Variants in MYO5B observed in about 807,000 individuals in gnomAD.
The protein encoded by MYO5B is unconventional myosin-Vb.
Under a neutral mutation model 229.3 loss-of-function variants are expected in MYO5B, and 143 were observed. The ratio of observed to expected loss-of-function variants is 0.62; its 90% CI spans 0.54 to 0.72. The LOEUF is 0.72. MYO5B is among the 30% of genes least tolerant of loss of function. The pLI is 0.00. For missense variants in MYO5B, 2,321 were observed against 2,331.0 expected (o/e 1.00, Z 0.09); for synonymous variants, 918 against 885.2 (o/e 1.04, Z -0.66).
At position 50,144,703 on chromosome 18, in the gene MYO5B, A is replaced by G. The variant is rs191993312; in HGVS notation, c.27+50064T>C. 2.9e-3 allele frequency among the ~76,000 whole-genome samples: 435 copies of G among 152,358 alleles called. 2 individuals carry two copies. Among genetic ancestry groups the G allele is most frequent in the Non-Finnish European group, 4.7e-3 (321 of 68,036 alleles). On this transcript the variant is annotated intron_variant, in intron 1 of 39. Transcript: ENST00000285039. ...AAAATGCTGATATTCCAACTGAGTG[A>G]AACATTAACTCAGATACCAGTAAGA...
At chr18:50,151,642 T>C (rs1430612937) in intron 1 of MYO5B, among the ~76,000 whole-genome samples, 1 of 152,224 alleles carries the variant, frequency 6.6e-6, no homozygotes, top group African/African-American at 2.4e-5. Flanking sequence ...GAAAAATGCT[T>C]GGCTCTAGAA....
At chr18:50,106,247 C>G (rs2031757799) in intron 1 of MYO5B, among the ~76,000 whole-genome samples, 1 of 152,162 alleles carries the variant, frequency 6.6e-6, no homozygotes, top group Non-Finnish European at 1.5e-5. Flanking sequence ...CAGGTCTCAC[C>G]TTTTCTCACT....
chr18:50,053,541 G>T (rs909901167), intron 2 of MYO5B, among the ~76,000 whole-genome samples: 1 of 152,112 alleles, frequency 6.6e-6, no homozygotes, highest in Non-Finnish European at 1.5e-5. Context: ...TTTCCTGGGG[G>T]TGGGGTGGGA....
chr18:49,894,828 G>A, intron 22 of MYO5B, 113 bp downstream of exon 22: 2 of 905,274 alleles, frequency 2.2e-6, no homozygotes, highest in Non-Finnish European at 1.8e-6. Flanking sequence ...CTGTGCACAT[G>A]AGCCCAAGAC....
intron 2 of MYO5B, among the ~76,000 whole-genome samples, chr18:50,045,081 C>A (rs575014731): frequency 6.6e-6 from 1 of 152,230 alleles, no homozygotes; most frequent in Non-Finnish European, 1.5e-5. Context: ...TTGTGCTGTA[C>A]CTGTGAAGAT....
intron 16 of MYO5B, among the ~76,000 whole-genome samples, chr18:49,931,633 C>CCACA (rs1271598056): frequency 5.9e-5 from 9 of 152,158 alleles, no homozygotes; most frequent in Non-Finnish European, 1.2e-4. Flanking sequence ...GGTTGCTCGG[C>CCACA]CACAAGAGGA....
chr18:50,106,742 G>A (rs1052061006), intron 1 of MYO5B, among the ~76,000 whole-genome samples: 4 of 152,220 alleles, frequency 2.6e-5, no homozygotes, highest in Non-Finnish European at 5.9e-5. Flanking sequence ...CCACATGTCA[G>A]ACAATTCATC....
In MYO5B at chr18:50,194,771, C is replaced by G. The variant is rs1033160188; in HGVS notation, c.23G>C (p.Ser8Thr). 5 of 1,468,634 alleles carry G rather than the reference C, an allele frequency of 3.4e-6. No homozygotes were observed. The highest frequency in any genetic ancestry group is 3.6e-6 in the Non-Finnish European group (4 of 1,114,226). 91.0% of individuals were successfully genotyped at this position (1,468,634 alleles called of 1,614,324 possible). MSVGELY[S>T]QCTRVWIPDP... ...CTCCCTCGCGGCCGCGCTCACCTGG[C>G]TGTAGAGCTCGCCCACCGACATGGC... Residue 8 changes from serine to threonine, a missense_variant, in exon 1 of 40, where the codon AGC becomes ACC. By Grantham distance (58) the Ser-to-Thr change is moderately conservative. Coordinates refer to ENST00000285039, the MANE Select transcript of MYO5B (RefSeq NM_001080467.3).
intron 36 of MYO5B, 22 bp from the exon 37 acceptor site, chr18:49,837,824 A>G (rs2024008637): frequency 2.5e-6 from 4 of 1,613,412 alleles, no homozygotes; most frequent in Non-Finnish European, 3.4e-6. Flanking sequence ...GCACAGTTAG[A>G]GAAGCTTGCA....
rs556841766 is a variant in MYO5B at position 49,916,571 on chromosome 18, G to T, written c.2091-4398C>A. ...ACTCCCTTCCCCTTTTCTCACAAAGGTGTCCTTCACACACAGCTGTACCAC... is the reference window on the plus strand; with the variant it reads ...ACTCCCTTCCCCTTTTCTCACAAAGTTGTCCTTCACACACAGCTGTACCAC... On this transcript the variant is annotated intron_variant, in intron 17 of 39. Coordinates refer to ENST00000285039, the MANE Select transcript of MYO5B (RefSeq NM_001080467.3). 4.6e-5 allele frequency among the ~76,000 whole-genome samples: 7 copies of T among 152,310 alleles called. No individual in the cohort carries two copies. The South Asian group carries it at 1.5e-3, about 32-fold the overall frequency.
chr18:49,911,670 A>AG (rs1176147352), intron 18 of MYO5B, among the ~76,000 whole-genome samples: 1 of 152,240 alleles, frequency 6.6e-6, no homozygotes, highest in East Asian at 1.9e-4. Flanking sequence ...AACTGTTTAC[A>AG]GGACTCAGCA....
chr18:49,933,596 C>T (rs533792082), intron 16 of MYO5B, among the ~76,000 whole-genome samples: 2 of 152,328 alleles, frequency 1.3e-5, no homozygotes, highest in African/African-American at 4.8e-5. Flanking sequence ...TGTCTAAAAA[C>T]ATTTTTAGCT....
At chr18:50,116,602 C>T (rs567933762) in intron 1 of MYO5B, among the ~76,000 whole-genome samples, 1 of 152,222 alleles carries the variant, frequency 6.6e-6, no homozygotes, top group South Asian at 2.1e-4. Flanking sequence ...CAATGGGACA[C>T]AGAAGGTGAA....
chr18:50,135,457 G>T (rs2032320954), intron 1 of MYO5B, among the ~76,000 whole-genome samples: 2 of 152,292 alleles, frequency 1.3e-5, no homozygotes, highest in African/African-American at 4.8e-5. Context: ...CCACTTTACA[G>T]TTGACATCAC....
intron 27 of MYO5B, among the ~76,000 whole-genome samples, chr18:49,870,012 G>T (rs1337247169): frequency 6.6e-6 from 1 of 152,216 alleles, no homozygotes; most frequent in Non-Finnish European, 1.5e-5. Flanking sequence ...CCTCCCTTGG[G>T]AAAGGCGGGT....
intron 1 of MYO5B, among the ~76,000 whole-genome samples, chr18:50,189,461 A>C (rs1451392443): frequency 1.1e-4 from 17 of 152,350 alleles, no homozygotes. Context: ...TTACAGTGCC[A>C]TTGGTTAAGG....
At chr18:50,186,776 T>G (rs1198188979) in intron 1 of MYO5B, among the ~76,000 whole-genome samples, 1 of 152,112 alleles carries the variant, frequency 6.6e-6, no homozygotes, top group Non-Finnish European at 1.5e-5. Context: ...CCACCCCAAT[T>G]CTTCAGATAA....
At chr18:50,003,938 G>C (rs927860989) in intron 4 of MYO5B, among the ~76,000 whole-genome samples, 3 of 152,180 alleles carry the variant, frequency 2.0e-5, no homozygotes, top group Admixed American at 1.3e-4. Context: ...AGTGCTGCCA[G>C]GCTCCTGCGT....
chr18:49,933,124 T>C (rs1790784), intron 16 of MYO5B, among the ~76,000 whole-genome samples: 80,605 of 152,000 alleles, frequency 0.53, 21,748 homozygotes, highest in Middle Eastern at 0.71. Context: ...GATTTCTCCA[T>C]GGGCTGCAAG....
Sources: allele counts gnomAD v4.1 joint callset (sites outside exome capture counted in the v4.1 genomes callset), GRCh38; gene constraint gnomAD v4.1.1; transcripts MANE v1.5; gene names NCBI Gene and HGNC (gene_info 2026-07-23, HGNC 2026-07-21).